The following SPOCK1 variants were observed in gnomAD, a reference collection of about 807,000 sequenced individuals.
The protein encoded by SPOCK1 is SPARC (osteonectin), cwcv and kazal like domains proteoglycan 1.
A neutral mutation model predicts 55.3 loss-of-function variants in SPOCK1; 23 were observed. The ratio of observed to expected loss-of-function variants is 0.42; its 90% CI spans 0.30 to 0.59. The LOEUF is 0.59. Ranked by LOEUF, SPOCK1 falls within the 20% of genes least tolerant of loss-of-function variation. The pLI is 0.22. For missense variants in SPOCK1, 499 were observed against 552.5 expected (o/e 0.90, Z 0.97); for synonymous variants, 226 against 221.0 (o/e 1.02, Z -0.20).
chr5:137,448,248 CA>C (rs201769350), intron 2 of SPOCK1, among the ~76,000 whole-genome samples: 11 of 152,132 alleles, frequency 7.2e-5, no homozygotes, highest in Admixed American at 3.9e-4. Flanking sequence ...GACTTCATCT[CA>C]AAAAAAATTT....
chr5:137,256,171 A>G (rs1756626438), intron 3 of SPOCK1, among the ~76,000 whole-genome samples: 1 of 152,224 alleles, frequency 6.6e-6, no homozygotes, highest in Non-Finnish European at 1.5e-5. Flanking sequence ...TGAGTATGAG[A>G]CTTGTGCATG....
intron 2 of SPOCK1, among the ~76,000 whole-genome samples, chr5:137,417,765 T>A (rs1752373295): frequency 6.6e-6 from 1 of 152,148 alleles, no homozygotes; most frequent in African/African-American, 2.4e-5. Context: ...TTTTGGAAAG[T>A]TTTTCTATTT....
chr5:137,125,560 C>T (rs1580763796), intron 4 of SPOCK1, among the ~76,000 whole-genome samples: 1 of 152,000 alleles, frequency 6.6e-6, no homozygotes, highest in African/African-American at 2.4e-5. Flanking sequence ...GCTAGCTGTT[C>T]CCACAATGTG....
At position 137,039,270 on chromosome 5, in the gene SPOCK1, C is replaced by CTTTTTTTT. The variant is rs11479277; in HGVS notation, c.589+28437_589+28444dup. On this transcript the variant is annotated intron_variant, in intron 6 of 10. Coordinates refer to ENST00000394945, the MANE Select transcript of SPOCK1 (RefSeq NM_004598.4). ...TCACTCTGCCTTTCTGCCTGCCACACTTTTTTTTTTTTTTTTTTTTTTTTT... is the reference window on the plus strand; with the variant it reads ...TCACTCTGCCTTTCTGCCTGCCACACTTTTTTTTTTTTTTTTTTTTTTTTTTTTTTTTT... 1.6e-3 allele frequency among the ~76,000 whole-genome samples: 144 copies of CTTTTTTTT among 88,926 alleles called. 17 individuals are homozygous for CTTTTTTTT. The highest frequency in any genetic ancestry group is 3.5e-3 in the East Asian group (9 of 2,574). The allele number at this position is 88,926 out of a possible 152,430, so 58.3% of individuals were successfully genotyped here.
At chr5:137,483,429 T>G (rs1309100284) in intron 2 of SPOCK1, among the ~76,000 whole-genome samples, 1 of 152,194 alleles carries the variant, frequency 6.6e-6, no homozygotes, top group Admixed American at 6.5e-5. Flanking sequence ...AGAGGAGCCA[T>G]ATGCCCTAGA....
intron 2 of SPOCK1, among the ~76,000 whole-genome samples, chr5:137,392,039 T>C (rs572585090): frequency 2.6e-5 from 4 of 152,330 alleles, no homozygotes; most frequent in East Asian, 3.9e-4. Context: ...GTTTTCTTCC[T>C]TGTGGCTTTT....
intron 2 of SPOCK1, among the ~76,000 whole-genome samples, chr5:137,358,258 C>T (rs553146886): frequency 1.3e-5 from 2 of 152,022 alleles, no homozygotes. Flanking sequence ...TTCATACCTG[C>T]CAAGCATCCC....
chr5:137,285,143 C>T (rs1474958925), intron 2 of SPOCK1, among the ~76,000 whole-genome samples: 13 of 152,206 alleles, frequency 8.5e-5, no homozygotes, highest in Admixed American at 7.9e-4. Flanking sequence ...CTCGCAGACA[C>T]ACACACGTTA....
At chr5:137,014,799 G>C (rs1380375716) in intron 6 of SPOCK1, among the ~76,000 whole-genome samples, 3 of 152,162 alleles carry the variant, frequency 2.0e-5, no homozygotes, top group Non-Finnish European at 4.4e-5. Flanking sequence ...TATTTAGTTT[G>C]TTTTGCTTTT....
intron 5 of SPOCK1, among the ~76,000 whole-genome samples, chr5:137,077,002 C>T (rs1049856366): frequency 9.2e-5 from 14 of 152,138 alleles, no homozygotes; most frequent in African/African-American, 3.4e-4. Flanking sequence ...CAGCTCACTG[C>T]AAGCTCCGCC....
chr5:137,419,896 G>A (rs1329476306), intron 2 of SPOCK1, among the ~76,000 whole-genome samples: 5 of 152,122 alleles, frequency 3.3e-5, no homozygotes, highest in Admixed American at 6.6e-5. Flanking sequence ...CAAAGGGAAT[G>A]TTTCCAGTTT....
chr5:137,120,056 G>A (rs1753657146), intron 4 of SPOCK1, among the ~76,000 whole-genome samples: 1 of 152,122 alleles, frequency 6.6e-6, no homozygotes, highest in Admixed American at 6.5e-5. Context: ...CACAAGATAA[G>A]CCCTCAGCAT....
intron 3 of SPOCK1, among the ~76,000 whole-genome samples, chr5:137,155,718 C>T (rs572494758): frequency 5.9e-5 from 9 of 152,276 alleles, no homozygotes; most frequent in Admixed American, 5.2e-4. Context: ...AAACAGTATC[C>T]ATTTCATGGA....
chr5:137,385,236 C>A (rs1751574214), intron 2 of SPOCK1, among the ~76,000 whole-genome samples: 1 of 152,212 alleles, frequency 6.6e-6, no homozygotes, highest in African/African-American at 2.4e-5. Context: ...TTGATATCCA[C>A]TTCCTCTGTA....
intron 5 of SPOCK1, among the ~76,000 whole-genome samples, chr5:137,097,502 C>A (rs886756562): frequency 2.0e-5 from 3 of 152,170 alleles, no homozygotes; most frequent in Admixed American, 2.0e-4. Context: ...GCATCCTGTA[C>A]ACAGACTGAG....
chr5:137,219,723 C>A (rs1435407569), intron 3 of SPOCK1, among the ~76,000 whole-genome samples: 1 of 152,328 alleles, frequency 6.6e-6, no homozygotes, highest in Admixed American at 6.5e-5. Context: ...ATTCACTGAA[C>A]ATATGTCTGT....
chr5:137,439,961 C>T (rs1399191996), intron 2 of SPOCK1, among the ~76,000 whole-genome samples: 1 of 152,162 alleles, frequency 6.6e-6, no homozygotes, highest in Non-Finnish European at 1.5e-5. Flanking sequence ...TGTAGTCCCT[C>T]TTACAGATGA....
chr5:137,318,577 G>A (rs142430558), intron 2 of SPOCK1, among the ~76,000 whole-genome samples: 1 of 152,304 alleles, frequency 6.6e-6, no homozygotes, highest in Non-Finnish European at 1.5e-5. Context: ...TGGATGGTGA[G>A]CCAGATAATT....
intron 2 of SPOCK1, among the ~76,000 whole-genome samples, chr5:137,304,495 G>T (rs1299094083): frequency 1.3e-5 from 2 of 152,182 alleles, no homozygotes; most frequent in African/African-American, 4.8e-5. Flanking sequence ...TGCGGGGCGG[G>T]GGGACAGGAA....
Sources: gnomAD v4.1 joint callset for allele counts (sites outside exome capture counted in the v4.1 genomes callset) on GRCh38, gnomAD v4.1.1 for gene constraint, MANE v1.5 for transcripts, NCBI Gene and HGNC (gene_info 2026-07-23, HGNC 2026-07-21) for gene names.